Variants in RHOBTB1 observed in about 807,000 individuals in gnomAD.
RHOBTB1 encodes rho-related BTB domain-containing protein 1.
In RHOBTB1, 40 loss-of-function variants were observed where a neutral mutation model predicts 71.6. The ratio of observed to expected loss-of-function variants is 0.56; its 90% CI spans 0.43 to 0.73. RHOBTB1 has a LOEUF of 0.73. Among genes scored for constraint, RHOBTB1 ranks in the 30% least tolerant of loss-of-function variants. The probability of loss-of-function intolerance (pLI) is 0.00; values close to 1 mark genes in which losing one functional copy is unlikely to be tolerated. For missense variants in RHOBTB1, 797 were observed against 894.0 expected (o/e 0.89, Z 1.38); for synonymous variants, 319 against 334.9 (o/e 0.95, Z 0.52).
chr10:60,990,030 T>G (rs1199974462), intron 1 of RHOBTB1, among the ~76,000 whole-genome samples: 1 of 148,620 alleles, frequency 6.7e-6, no homozygotes, highest in Non-Finnish European at 1.5e-5. Context: ...TCGCCTAGGC[T>G]GGAGTGCAGT....
chr10:60,935,001 G>A (rs2084491671), intron 2 of RHOBTB1, among the ~76,000 whole-genome samples: 1 of 152,156 alleles, frequency 6.6e-6, no homozygotes, highest in Non-Finnish European at 1.5e-5. Context: ...AGACTCACTG[G>A]GGGATTTGTT....
intron 2 of RHOBTB1, among the ~76,000 whole-genome samples, chr10:60,978,611 C>G (rs983651061): frequency 1.3e-5 from 2 of 152,144 alleles, no homozygotes. Context: ...TCAAGGCTAT[C>G]AAGCTGCTCA....
At chr10:60,956,345 T>C (rs936964856) in intron 2 of RHOBTB1, among the ~76,000 whole-genome samples, 5 of 152,134 alleles carry the variant, frequency 3.3e-5, no homozygotes, top group African/African-American at 1.2e-4. Context: ...GGTGAGTCAG[T>C]GAGTAAATAG....
intron 2 of RHOBTB1, among the ~76,000 whole-genome samples, chr10:60,953,180 G>A (rs539068695): frequency 6.6e-6 from 1 of 152,266 alleles, no homozygotes; most frequent in Non-Finnish European, 1.5e-5. Flanking sequence ...ACATGGGTAA[G>A]GTTAGCCTCC....
chr10:60,903,658 ACAGGCCCCTGGGTCAGAC>A (rs2082517820), intron 4 of RHOBTB1, among the ~76,000 whole-genome samples: 1 of 152,032 alleles, frequency 6.6e-6, no homozygotes, highest in African/African-American at 2.4e-5. Flanking sequence ...AGGCTGAGAA[ACAGGCCCCTGGGTCAGAC>A]TATGGGCCCC....
intron 1 of RHOBTB1, among the ~76,000 whole-genome samples, chr10:60,994,146 C>T (rs544070161): frequency 6.6e-6 from 1 of 152,184 alleles, no homozygotes; most frequent in East Asian, 1.9e-4. Context: ...AACGAATTGA[C>T]AAAATATTTG....
chr10:60,978,481 A>C (rs1453402160), intron 2 of RHOBTB1, among the ~76,000 whole-genome samples: 2 of 152,188 alleles, frequency 1.3e-5, no homozygotes, highest in African/African-American at 2.4e-5. Flanking sequence ...GACTGAGATA[A>C]AGAATTAAGG....
intron 10 of RHOBTB1, chr10:60,871,934 C>A: frequency 4.9e-6 from 3 of 609,994 alleles, no homozygotes. Context: ...AGGCCACCAC[C>A]TCTGCACTCT....
intron 4 of RHOBTB1, among the ~76,000 whole-genome samples, chr10:60,901,425 AAG>A (rs1457155227): frequency 2.0e-5 from 3 of 152,236 alleles, no homozygotes; most frequent in African/African-American, 7.2e-5. Flanking sequence ...AAAAATCACT[AAG>A]AGTGTATCTT....
rs372998480 is a variant in RHOBTB1 at position 60,888,812 on chromosome 10, C to T, written c.856G>A (p.Ala286Thr). 217 of 1,614,024 alleles carry T rather than the reference C, an allele frequency of 1.3e-4. No individual in the cohort carries two copies. The highest frequency in any genetic ancestry group is 9.9e-4 in the Middle Eastern group (6 of 6,084). ...EHIFAHRIYL[A>T]TSSSKFYDLF... ...TCATAAAATTTGGAAGAAGAGGTAG[C>T]GAGGTAAATTCGATGTGCAAAGATG... is the stretch of plus-strand genomic sequence containing the variant. The change falls in exon 6 of 11, where the codon GCT (alanine) becomes ACT (threonine). Residue 286 changes from alanine to threonine, a missense_variant. Coordinates refer to ENST00000337910, the MANE Select transcript of RHOBTB1 (RefSeq NM_014836.5).
intron 5 of RHOBTB1, among the ~76,000 whole-genome samples, chr10:60,889,546 T>C (rs967737212): frequency 9.2e-5 from 14 of 152,220 alleles, no homozygotes; most frequent in African/African-American, 3.4e-4. Flanking sequence ...TTTTATCCTA[T>C]TATTTTGCTA....
intron 2 of RHOBTB1, among the ~76,000 whole-genome samples, chr10:60,928,255 A>C (rs941841631): frequency 4.6e-5 from 7 of 152,072 alleles, no homozygotes; most frequent in Non-Finnish European, 7.4e-5. Context: ...GGAAAACTAT[A>C]TGGATGTTCC....
At chr10:60,919,204 A>G (rs1026879158) in intron 2 of RHOBTB1, among the ~76,000 whole-genome samples, 2 of 152,218 alleles carry the variant, frequency 1.3e-5, no homozygotes, top group African/African-American at 4.8e-5. Flanking sequence ...TATTCCTCCC[A>G]AAAGCATATA....
intron 2 of RHOBTB1, among the ~76,000 whole-genome samples, chr10:60,981,257 C>T (rs769875758): frequency 2.0e-5 from 3 of 152,054 alleles, no homozygotes; most frequent in Non-Finnish European, 4.4e-5. Flanking sequence ...CAAGGCAATG[C>T]GAGGTCCCCA....
intron 5 of RHOBTB1, among the ~76,000 whole-genome samples, 185 bp from the exon 6 acceptor site, chr10:60,889,370 T>C (rs1002119922): frequency 3.3e-5 from 5 of 152,214 alleles, no homozygotes; most frequent in Non-Finnish European, 1.5e-5. Flanking sequence ...AAGGAAAAAA[T>C]AATGCTTTCA....
At chr10:60,944,508 C>A (rs749618856), upstream of RHOBTB1, among the ~76,000 whole-genome samples, 8 of 152,146 alleles carry the variant, frequency 5.3e-5, no homozygotes, top group Non-Finnish European at 1.0e-4. Context: ...GCATGGGAGA[C>A]CCCGGCCCTT....
chr10:60,900,957 A>T (rs1425577564), intron 4 of RHOBTB1, among the ~76,000 whole-genome samples: 1 of 152,228 alleles, frequency 6.6e-6, no homozygotes, highest in Non-Finnish European at 1.5e-5. Flanking sequence ...TAATGCATTA[A>T]TAATTTCTTC....
chr10:60,997,901 G>T (rs1260171422), intron 1 of RHOBTB1, among the ~76,000 whole-genome samples: 1 of 152,176 alleles, frequency 6.6e-6, no homozygotes, highest in East Asian at 1.9e-4. Flanking sequence ...CACTATTTTT[G>T]ATCTGAGTGA....
At chr10:60,904,455 G>A (rs1294151767) in intron 4 of RHOBTB1, among the ~76,000 whole-genome samples, 1 of 152,088 alleles carries the variant, frequency 6.6e-6, no homozygotes, top group Non-Finnish European at 1.5e-5. Flanking sequence ...TAGGAAACCA[G>A]TGATCTACTT....
Sources: allele counts gnomAD v4.1 joint callset (sites outside exome capture counted in the v4.1 genomes callset), GRCh38; gene constraint gnomAD v4.1.1; transcripts MANE v1.5; gene names NCBI Gene and HGNC (gene_info 2026-07-23, HGNC 2026-07-21).